Variants in SMG1 observed in about 807,000 individuals in gnomAD.
SMG1 encodes the protein serine/threonine-protein kinase SMG1.
SMG1 carries 22 observed loss-of-function variants against 419.9 expected under a neutral mutation model. The observed-to-expected ratio is 0.05, with a 90% confidence interval of 0.04 to 0.07. SMG1 has a LOEUF of 0.07. SMG1 is among the 10% of genes least tolerant of loss of function. The pLI is 1.00. For missense variants in SMG1, 3,185 were observed against 4,342.0 expected, an observed-to-expected ratio of 0.73 and a Z score of 7.49; for synonymous variants, 1,538 against 1,553.5, an observed-to-expected ratio of 0.99 and a Z score of 0.23.
chr16:18,844,570 T>TCACACACACACACACACG (rs56381713), intron 39 of SMG1, among the ~76,000 whole-genome samples: 1 of 88,522 alleles, frequency 1.1e-5, no homozygotes, highest in African/African-American at 5.7e-5. Context: ...CATCCTTCTC[T>TCACACACACACACACACG]CACACACACA....
At chr16:18,910,762 T>C (rs1388029493) in intron 1 of SMG1, among the ~76,000 whole-genome samples, 6 of 152,102 alleles carry the variant, frequency 3.9e-5, no homozygotes, top group Non-Finnish European at 8.8e-5. Flanking sequence ...CTCAAGTACT[T>C]AAAACTATCA....
At chr16:18,891,564 A>T (rs1263967816) in intron 4 of SMG1, among the ~76,000 whole-genome samples, 2 of 151,508 alleles carry the variant, frequency 1.3e-5, no homozygotes, top group African/African-American at 4.9e-5. Flanking sequence ...CCTCCCATGT[A>T]GCTGGAATTA....
chr16:18,879,736 C>T lies in SMG1; in HGVS notation c.1294-17G>A, dbSNP rs573923815. 33 of 1,584,080 alleles carry T rather than the reference C, an allele frequency of 2.1e-5. No individual in the cohort carries two copies. Among genetic ancestry groups the T allele is most frequent in the Admixed American group, 1.7e-4 (10 of 57,878 alleles). On this transcript the variant is annotated splice_polypyrimidine_tract_variant and intron_variant, in intron 10 of 62. Transcript: ENST00000446231. ...GTACAGAACCTGTAAATGGGGAAAA[C>T]AAGCAGCTTTTTAAAAAAATTCACG...
chr16:18,828,213 C>A (rs748978744), intron 54 of SMG1, 45 bp from the exon 55 acceptor site: 1 of 1,584,346 alleles, frequency 6.3e-7, no homozygotes, highest in Non-Finnish European at 8.6e-7. Context: ...AGGAAAAAAG[C>A]GTTTAGATAA....
chr16:18,810,812 G>C (rs1355675556), intron 62 of SMG1, among the ~76,000 whole-genome samples: 3 of 152,152 alleles, frequency 2.0e-5, no homozygotes, highest in African/African-American at 4.8e-5. Flanking sequence ...TTTTGTTCAA[G>C]AGACACATGG....
chr16:18,919,619 G>A (rs553961243), intron 1 of SMG1, among the ~76,000 whole-genome samples: 100 of 120,912 alleles, frequency 8.3e-4, no homozygotes, highest in Non-Finnish European at 1.3e-3. Context: ...GCAACACTCC[G>A]TCTCAAAAAA....
intron 1 of SMG1, among the ~76,000 whole-genome samples, chr16:18,912,045 G>A (rs1327746380): frequency 1.1e-4 from 16 of 143,268 alleles, no homozygotes; most frequent in Non-Finnish European, 1.9e-4. Context: ...GGTGCCAACT[G>A]CACTCCAGCC....
intron 6 of SMG1, among the ~76,000 whole-genome samples, chr16:18,886,157 C>G (rs2141754197): frequency 6.6e-6 from 1 of 151,692 alleles, no homozygotes; most frequent in East Asian, 1.9e-4. Flanking sequence ...ATTTCAAATA[C>G]AAAAAAGTAA....
intron 60 of SMG1, among the ~76,000 whole-genome samples, chr16:18,814,677 C>G (rs569369057): frequency 4.0e-5 from 6 of 151,598 alleles, no homozygotes; most frequent in Non-Finnish European, 7.4e-5. Flanking sequence ...CGGGTTCAAG[C>G]AATTCTCCTG....
At position 18,833,208 on chromosome 16, in the gene SMG1, T is replaced by G. The variant is rs369994751; in HGVS notation, c.8566-42A>C. ...AAAAAACTTTTAATGTTTTTTGAGTTTAGCTAAGTTACACATTTGGAGACT... is the reference window on the plus strand; with the variant it reads ...AAAAAACTTTTAATGTTTTTTGAGTGTAGCTAAGTTACACATTTGGAGACT... On this transcript the variant is annotated intron_variant, in intron 50 of 62. Coordinates refer to ENST00000446231, the MANE Select transcript of SMG1 (RefSeq NM_015092.5). The G allele has an allele frequency of 1.5e-5, 22 of 1,513,480 alleles. No individual in the cohort carries two copies. In the African/African-American group the frequency reaches 2.2e-4, roughly 15 times the overall value. 93.8% of individuals were successfully genotyped at this position (1,513,480 alleles called of 1,614,324 possible). A position where few individuals can be genotyped will look rare whatever the true frequency, so the allele number is the denominator to read the frequency against.
intron 3 of SMG1, among the ~76,000 whole-genome samples, chr16:18,894,857 G>A (rs1465283930): frequency 4.0e-5 from 6 of 151,700 alleles, no homozygotes; most frequent in African/African-American, 7.3e-5. Flanking sequence ...TCGCTCTGTC[G>A]CCCAGGCTGG....
chr16:18,835,831 G>A (rs970311089), intron 48 of SMG1, 102 bp downstream of exon 48: 8 of 1,086,098 alleles, frequency 7.4e-6, no homozygotes, highest in African/African-American at 4.7e-5. Flanking sequence ...CCTCAGAGAC[G>A]GAGGTTGCAG....
Position 18,926,365 on chromosome 16 carries a change from A to AGGAGCAGGCGGTGGCGGCAGCTCCTC in SMG1, c.-350_-325dup, listed in dbSNP as rs2038412078. On this transcript the variant is annotated 5_prime_UTR_variant, in exon 1 of 63. Coordinates refer to ENST00000446231, the MANE Select transcript of SMG1 (RefSeq NM_015092.5). ...GGGGCCCCGGAGGACGAGGACGACG[A>AGGAGCAGGCGGTGGCGGCAGCTCCTC]GGAGCAGGCGGTGGCGGCAGCTCCT... The AGGAGCAGGCGGTGGCGGCAGCTCCTC allele has an allele frequency of 3.3e-6, 1 of 305,380 alleles. No individual in the cohort carries two copies. Among genetic ancestry groups the AGGAGCAGGCGGTGGCGGCAGCTCCTC allele is most frequent in the Non-Finnish European group, 6.0e-6 (1 of 165,374 alleles). The allele number at this position is 305,380 out of a possible 1,614,324, so 18.9% of individuals were successfully genotyped here. A position where few individuals can be genotyped will look rare whatever the true frequency, so the allele number is the denominator to read the frequency against.
At chr16:18,858,663 C>T (rs2035047394) in intron 28 of SMG1, 1 of 216,248 alleles carries the variant, frequency 4.6e-6, no homozygotes. Flanking sequence ...CATTCAGAAG[C>T]CCCCATCTCT....
At chr16:18,865,394 G>A (rs1225606317) in intron 23 of SMG1, among the ~76,000 whole-genome samples, 2 of 152,124 alleles carry the variant, frequency 1.3e-5, no homozygotes, top group Non-Finnish European at 2.9e-5. Context: ...ATAAACTGCA[G>A]CCACCTTTTC....
intron 23 of SMG1, among the ~76,000 whole-genome samples, chr16:18,865,756 A>G (rs2035466634): frequency 2.0e-5 from 3 of 151,156 alleles, no homozygotes; most frequent in South Asian, 4.2e-4. Flanking sequence ...TCCGCCTCCC[A>G]GGTTCAACCA....
At chr16:18,833,873 C>T (rs1168065730) in intron 50 of SMG1, among the ~76,000 whole-genome samples, 1 of 152,186 alleles carries the variant, frequency 6.6e-6, no homozygotes, top group East Asian at 1.9e-4. Context: ...GTAAGTCATA[C>T]ATGTGGCTGT....
At chr16:18,920,771 T>C (rs2038166383) in intron 1 of SMG1, among the ~76,000 whole-genome samples, 1 of 151,040 alleles carries the variant, frequency 6.6e-6, no homozygotes, top group African/African-American at 2.4e-5. Flanking sequence ...GCCTGGGAGG[T>C]GGAGGCTGCA....
At chr16:18,877,082 C>T in intron 12 of SMG1, 49 bp downstream of exon 12, 2 of 1,374,500 alleles carry the variant, frequency 1.5e-6, no homozygotes, top group Non-Finnish European at 2.0e-6. Context: ...TTAGGTCCAA[C>T]TCTTCAGTGA....
Sources: allele counts gnomAD v4.1 joint callset (sites outside exome capture counted in the v4.1 genomes callset), GRCh38; gene constraint gnomAD v4.1.1; transcripts MANE v1.5; gene names NCBI Gene and HGNC (gene_info 2026-07-23, HGNC 2026-07-21).